ZNF442: variants seen among roughly 807,000 people sequenced by gnomAD.
ZNF442 encodes the protein zinc finger protein 442.
ZNF442 carries 45 observed loss-of-function variants against 57.0 expected under a neutral mutation model. The observed-to-expected ratio is 0.79, with a 90% CI of 0.62 to 1.01. The LOEUF (loss-of-function observed/expected upper bound fraction) is 1.01, where lower values mean the gene tolerates loss of function less well. ZNF442 is among the 50% of genes least tolerant of loss of function. ZNF442 has a pLI of 0.00. For missense variants in ZNF442, 690 were observed against 756.5 expected, an observed-to-expected ratio of 0.91 and a Z score of 1.03; for synonymous variants, 213 against 241.8, an observed-to-expected ratio of 0.88 and a Z score of 1.10.
rs1359926220 is a variant in ZNF442, at chr19:12,351,290, T to G, written c.295A>C (p.Ser99Arg). ...RCHIIERFSESRQPDSTVNEK... is the reference protein window; with the variant it reads ...RCHIIERFSERRQPDSTVNEK... Reference sequence around the variant, plus strand: ...TTCACAGTACTATCTGGCTGGCGACTTTCACTAAATCTCTCTATGATATGA... The same window carrying G: ...TTCACAGTACTATCTGGCTGGCGACGTTCACTAAATCTCTCTATGATATGA... The change falls in exon 6 of 6, where the codon AGT becomes CGT. Residue 99 changes from serine (S) to arginine (R), a missense_variant. Physicochemically the swap from Ser to Arg is moderately radical, Grantham distance 110. Transcript: ENST00000242804. 6.2e-7 allele frequency: 1 copy of G among 1,613,594 alleles called. No individual in the cohort carries two copies. The highest frequency in any genetic ancestry group is 8.5e-7 in the Non-Finnish European group (1 of 1,179,708).
upstream of ZNF442, among the ~76,000 whole-genome samples, chr19:12,369,274 A>T (rs954357635): frequency 6.6e-6 from 1 of 152,204 alleles, no homozygotes; most frequent in Non-Finnish European, 1.5e-5. Flanking sequence ...ATGGGTAGAA[A>T]GGAACTTCAG....
chr19:12,359,155 A>G (rs1443667680), intron 3 of ZNF442, among the ~76,000 whole-genome samples: 1 of 152,222 alleles, frequency 6.6e-6, no homozygotes, highest in African/African-American at 2.4e-5. Context: ...TCAGATTCAT[A>G]AACCCTTTTT....
intron 3 of ZNF442, among the ~76,000 whole-genome samples, chr19:12,359,827 A>T (rs1969393137): frequency 6.6e-6 from 1 of 151,954 alleles, no homozygotes; most frequent in Non-Finnish European, 1.5e-5. Context: ...AAATACAAAA[A>T]ATTAGCCGGG....
At chr19:12,360,920 G>C (rs1034810920) in intron 3 of ZNF442, among the ~76,000 whole-genome samples, 2 of 152,084 alleles carry the variant, frequency 1.3e-5, no homozygotes, top group African/African-American at 4.8e-5. Context: ...GGCTGGGAGC[G>C]GTGGCTCAAG....
chr19:12,370,609 C>T (rs181238441), upstream of ZNF442, among the ~76,000 whole-genome samples: 1 of 151,974 alleles, frequency 6.6e-6, no homozygotes, highest in Admixed American at 6.6e-5. Flanking sequence ...CCCAGGCCAT[C>T]TGGAGTCCTA....
intron 3 of ZNF442, 95 bp from the exon 4 acceptor site, chr19:12,353,209 AG>A: frequency 3.0e-6 from 4 of 1,350,882 alleles, no homozygotes; most frequent in Non-Finnish European, 2.0e-6. Flanking sequence ...ATTATTTCTA[AG>A]CAATGATTCA....
Position 12,350,441 on chromosome 19 carries a change from A to G in ZNF442, c.1144T>C (p.Cys382Arg). 2.5e-6 allele frequency: 4 copies of G among 1,613,486 alleles called. No individual in the cohort carries two copies. Among genetic ancestry groups the G allele is most frequent in the Non-Finnish European group, 3.4e-6 (4 of 1,179,856 alleles). ...TGEKPYECKQ[C>R]GKALSHHSSF... ...GAGTGATGAGATAACGCTTTCCCAC[A>G]CTGCTTGCATTCATAGGGTTTCTCT... Residue 382 changes from cysteine (C) to arginine (R), a missense_variant, in exon 6 of 6, where the codon TGT (cysteine) becomes CGT (arginine). By Grantham distance (180) the Cys-to-Arg change is radical. Transcript: ENST00000242804.
rs544672611 is a variant in ZNF442, at chr19:12,355,165, C to T, written c.79-2051G>A. On this transcript the variant is annotated intron_variant, in intron 3 of 5. Transcript: ENST00000242804. ...AACTAGCCGGGCGTGGTGGCGGGCA[C>T]CTGTAGTCCCAGCTACTCGGGAGGC... Among the ~76,000 whole-genome samples, 11 of 151,436 alleles carry T rather than the reference C, an allele frequency of 7.3e-5. No homozygotes were observed. The South Asian group carries it at 2.1e-3, about 29-fold the overall frequency.
chr19:12,369,046 G>A (rs537007682), upstream of ZNF442, among the ~76,000 whole-genome samples: 19 of 152,204 alleles, frequency 1.2e-4, no homozygotes, highest in East Asian at 3.3e-3. Context: ...TGAAATACAA[G>A]TGTCACTGGT....
chr19:12,364,407 C>CAAAAAAAAAAAAAAA (rs35227073), intron 2 of ZNF442, among the ~76,000 whole-genome samples: 44 of 93,114 alleles, frequency 4.7e-4, no homozygotes, highest in African/African-American at 1.7e-3. Flanking sequence ...AACTCCATCT[C>CAAAAAAAAAAAAAAA]AAAAAAAAAA....
upstream of ZNF442, among the ~76,000 whole-genome samples, chr19:12,368,514 A>G (rs947160098): frequency 2.6e-5 from 4 of 152,184 alleles, no homozygotes; most frequent in African/African-American, 9.7e-5. Context: ...CCCGCAACAG[A>G]CTACAAGATT....
At chr19:12,359,734 C>A (rs1342419798) in intron 3 of ZNF442, among the ~76,000 whole-genome samples, 1 of 152,156 alleles carries the variant, frequency 6.6e-6, no homozygotes, top group East Asian at 1.9e-4. Context: ...AATCCCAGCA[C>A]TTTGGGAGGC....
At chr19:12,355,864 G>A (rs142425593) in intron 3 of ZNF442, among the ~76,000 whole-genome samples, 1 of 151,936 alleles carries the variant, frequency 6.6e-6, no homozygotes, top group African/African-American at 2.4e-5. Flanking sequence ...AGCTACCTGG[G>A]AGGCTGATGC....
At chr19:12,352,947 T>G in intron 4 of ZNF442, 41 bp downstream of exon 4, 1 of 1,581,850 alleles carries the variant, frequency 6.3e-7, no homozygotes, top group Non-Finnish European at 8.5e-7. Flanking sequence ...AAGAAAAAAA[T>G]GTCTCTAATT....
the ZNF442 span, among the ~76,000 whole-genome samples, chr19:12,372,169 T>G: frequency 6.6e-6 from 1 of 152,058 alleles, no homozygotes; most frequent in Non-Finnish European, 1.5e-5. Flanking sequence ...AAGACATACA[T>G]GCAGAGGCCG....
chr19:12,362,777 G>A (rs1369442689), intron 3 of ZNF442, among the ~76,000 whole-genome samples: 1 of 152,092 alleles, frequency 6.6e-6, no homozygotes, highest in Non-Finnish European at 1.5e-5. Context: ...AGTGGGGGAA[G>A]TGTGGGGAAA....
intron 4 of ZNF442, 29 bp from the exon 5 acceptor site, chr19:12,352,099 T>C (rs1969248896): frequency 3.1e-6 from 5 of 1,592,674 alleles, no homozygotes; most frequent in South Asian, 1.1e-5. Flanking sequence ...AAAAACACTG[T>C]AGATTATTAT....
At position 12,350,375 on chromosome 19, in the gene ZNF442, G is replaced by T. The variant is rs139894237; in HGVS notation, c.1210C>A (p.Pro404Thr). Reference sequence around the variant, plus strand: ...TTCCCACATACCTTGCATTTGTGAGGTCCATCTCCAGTGTGCATTATCATA... The same window carrying T: ...TTCCCACATACCTTGCATTTGTGAGTTCCATCTCCAGTGTGCATTATCATA... ...SHMIMHTGDG[P>T]HKCKVCGKAF... Residue 404 changes from proline (P) to threonine (T), a missense_variant, in exon 6 of 6, where the codon CCT (proline) becomes ACT (threonine). By Grantham distance (38) the Pro-to-Thr change is conservative (BLOSUM62 -1). Transcript: ENST00000242804. 1 of 1,613,868 alleles carries T rather than the reference G, an allele frequency of 6.2e-7. No individual in the cohort carries two copies. Among genetic ancestry groups the T allele is most frequent in the Non-Finnish European group, 8.5e-7 (1 of 1,180,026 alleles).
chr19:12,350,605 C>G lies in ZNF442; in HGVS notation c.980G>C (p.Gly327Ala). The G allele has an allele frequency of 6.2e-7, 1 of 1,613,780 alleles. No homozygotes were observed. The highest frequency in any genetic ancestry group is 8.5e-7 in the Non-Finnish European group (1 of 1,179,984). Residue 327 changes from glycine (G) to alanine (A), a missense_variant, in exon 6 of 6, where the codon GGG becomes GCG. Transcript: ENST00000242804. ...GEKPYECKQC[G>A]KAFHHLGSFQ... Reference sequence around the variant, plus strand: ...GCTTCCCAGATGATGAAATGCTTTCCCGCATTGCTTGCATTCATAGGGTTT... The same window carrying G: ...GCTTCCCAGATGATGAAATGCTTTCGCGCATTGCTTGCATTCATAGGGTTT...
Sources: gnomAD v4.1 joint callset for allele counts (sites outside exome capture counted in the v4.1 genomes callset) on GRCh38, gnomAD v4.1.1 for gene constraint, MANE v1.5 for transcripts, NCBI Gene and HGNC (gene_info 2026-07-23, HGNC 2026-07-21) for gene names.